Variants in TMEM41B observed in about 807,000 individuals in gnomAD.
TMEM41B encodes the protein transmembrane protein 41B.
TMEM41B carries 18 observed loss-of-function variants against 31.9 expected under a neutral mutation model. That is an observed-to-expected ratio of 0.56 (90% CI 0.39 to 0.84). TMEM41B has a LOEUF of 0.84. Ranked by LOEUF, TMEM41B falls within the 40% of genes least tolerant of loss-of-function variation. The pLI, the probability that TMEM41B is intolerant of heterozygous loss-of-function variation, is 0.00. For missense variants in TMEM41B, 322 were observed against 348.0 expected, an observed-to-expected ratio of 0.93 and a Z score of 0.59; for synonymous variants, 144 against 124.3, an observed-to-expected ratio of 1.16 and a Z score of -1.05.
chr11:9,311,296 T>C, intron 1 of TMEM41B: 1 of 1,521,504 alleles, frequency 6.6e-7, no homozygotes, highest in Non-Finnish European at 9.0e-7. Context: ...GAATCACTGC[T>C]GGAAGAGGAG....
At chr11:9,304,821 A>G (rs758344531) in intron 1 of TMEM41B, among the ~76,000 whole-genome samples, 3 of 151,996 alleles carry the variant, frequency 2.0e-5, no homozygotes, top group Non-Finnish European at 4.4e-5. Context: ...CCATGCCCAG[A>G]TAATTTTTGT....
chr11:9,290,236 G>A (rs1055265814), intron 3 of TMEM41B, among the ~76,000 whole-genome samples: 7 of 152,086 alleles, frequency 4.6e-5, no homozygotes, highest in African/African-American at 1.7e-4. Context: ...AACTAGCCGG[G>A]CGTGGTGGTG....
At chr11:9,289,229 T>A (rs1390172969) in intron 3 of TMEM41B, among the ~76,000 whole-genome samples, 1 of 152,082 alleles carries the variant, frequency 6.6e-6, no homozygotes, top group African/African-American at 2.4e-5. Flanking sequence ...ACTCCTGGGC[T>A]CAAACGATCC....
chr11:9,309,692 G>A (rs1324364459), intron 1 of TMEM41B, among the ~76,000 whole-genome samples: 1 of 151,658 alleles, frequency 6.6e-6, no homozygotes, highest in Non-Finnish European at 1.5e-5. Context: ...GGAGGCTGAG[G>A]CAGGCAGATC....
At chr11:9,300,874 T>C (rs1853238009) in intron 1 of TMEM41B, among the ~76,000 whole-genome samples, 1 of 148,666 alleles carries the variant, frequency 6.7e-6, no homozygotes, top group East Asian at 2.0e-4. Flanking sequence ...CAAGATTCCG[T>C]CTCAAAAAAA....
chr11:9,286,063 C>T (rs1380961413), intron 6 of TMEM41B, among the ~76,000 whole-genome samples: 2 of 152,032 alleles, frequency 1.3e-5, no homozygotes, highest in African/African-American at 2.4e-5. Context: ...TGCAGTGAGC[C>T]GAGATCATGC....
intron 1 of TMEM41B, among the ~76,000 whole-genome samples, chr11:9,302,049 C>T (rs967886413): frequency 1.4e-5 from 2 of 140,534 alleles, no homozygotes; most frequent in Admixed American, 7.2e-5. Flanking sequence ...CTCAGTCGCC[C>T]AGGCTGGAGT....
In TMEM41B at chr11:9,283,550, T is replaced by G; in HGVS notation, c.750A>C (p.Thr250=). 1 of 1,612,118 alleles carries G rather than the reference T, an allele frequency of 6.2e-7. No individual in the cohort carries two copies. Among genetic ancestry groups the G allele is most frequent in the Middle Eastern group, 1.7e-4 (1 of 6,054 alleles). Reference sequence around the variant, plus strand: ...CTCCTGCTGTTGTAAGTTGATACAGTGTTGTTCCTGCCTTAATGGCTACAA... The same window carrying G: ...CTCCTGCTGTTGTAAGTTGATACAGGGTTGTTCCTGCCTTAATGGCTACAA... ...PSFVAIKAGT[T]LYQLTTAGEA... is the part of the protein sequence containing the mutation. Residue 250 remains threonine (T), a synonymous_variant, in exon 7 of 7, where the codon ACA becomes ACC. Coordinates refer to ENST00000528080, the MANE Select transcript of TMEM41B (RefSeq NM_015012.4).
Position 9,314,360 on chromosome 11 carries a change from G to A in TMEM41B, c.82C>T (p.Arg28Trp). ...TPVGDGAAGT[R>W]GLAAPGSRDH... ...CTGCTGCCAGGCGCCGCGAGACCCC[G>A]CGTCCCCGCTGCCCCGTCCCCCACG... Residue 28 changes from arginine to tryptophan, a missense_variant, in exon 1 of 7, where the codon CGG (arginine) becomes TGG (tryptophan). Transcript: ENST00000528080. 1 of 1,589,766 alleles carries A rather than the reference G, an allele frequency of 6.3e-7. No individual in the cohort carries two copies. Among genetic ancestry groups the A allele is most frequent in the South Asian group, 1.1e-5 (1 of 87,582 alleles).
rs1009171194 is a variant in TMEM41B at position 9,283,242 on chromosome 11, T to C, written c.*182A>G. 6 of 538,868 alleles carry C rather than the reference T, an allele frequency of 1.1e-5. No individual in the cohort carries two copies. Among genetic ancestry groups the C allele is most frequent in the South Asian group, 5.3e-5 (2 of 37,908 alleles). The allele number at this position is 538,868 out of a possible 1,614,324, so 33.4% of individuals were successfully genotyped here. A position where few individuals can be genotyped will look rare whatever the true frequency, so the allele number is the denominator to read the frequency against. On this transcript the variant is annotated 3_prime_UTR_variant, in exon 7 of 7. Transcript: ENST00000528080. The stretch of plus-strand genomic sequence containing the variant: ...GATAGCACTTTTCACAGTATACCAA[T>C]TTCCATTTTTACTTTCTTCTCCCCT...
intron 3 of TMEM41B, 109 bp downstream of exon 3, chr11:9,295,150 C>G: frequency 1.7e-6 from 2 of 1,168,856 alleles, no homozygotes; most frequent in Non-Finnish European, 2.2e-6. Flanking sequence ...TATTGTCACA[C>G]TGCAATAACA....
intron 1 of TMEM41B, among the ~76,000 whole-genome samples, chr11:9,307,348 A>G (rs1223267567): frequency 6.6e-6 from 1 of 152,248 alleles, no homozygotes; most frequent in Non-Finnish European, 1.5e-5. Flanking sequence ...TGTCAGAAAT[A>G]AACTTTATTT....
intron 1 of TMEM41B, among the ~76,000 whole-genome samples, chr11:9,305,804 T>G (rs1853375865): frequency 1.3e-5 from 2 of 152,072 alleles, no homozygotes; most frequent in African/African-American, 4.8e-5. Context: ...GAGCATCTTT[T>G]AAAACCTTCA....
Position 9,286,589 on chromosome 11 carries a change from T to C in TMEM41B, c.572A>G (p.Glu191Gly). The stretch of plus-strand genomic sequence containing the variant: ...GTTAATGAGATGTTCTCTATGACGT[T>C]CAACCTGTCATAAGAAAGAAAAGAA... ...EKAVKWSQQV[E>G]RHREHLINYI... The change falls in exon 6 of 7, where the codon GAA becomes GGA. Residue 191 changes from glutamate (E) to glycine (G), a missense_variant. Physicochemically the swap from Glu to Gly is moderately conservative, Grantham distance 98. Around this residue, in one of 3 missense-constraint regions of TMEM41B, gnomAD observed 47 missense variants for 84.8 expected, o/e 0.55. Coordinates refer to ENST00000528080, the MANE Select transcript of TMEM41B (RefSeq NM_015012.4). 6.3e-7 allele frequency: 1 copy of C among 1,597,806 alleles called. No individual in the cohort carries two copies. Among genetic ancestry groups the C allele is most frequent in the Non-Finnish European group, 8.5e-7 (1 of 1,174,508 alleles).
At chr11:9,297,606 C>T (rs1330993057) in intron 2 of TMEM41B, among the ~76,000 whole-genome samples, 1 of 152,094 alleles carries the variant, frequency 6.6e-6, no homozygotes, top group African/African-American at 2.4e-5. Context: ...GCAGGAGAAT[C>T]GCTTGAACTG....
At chr11:9,312,429 T>C (rs181027994) in intron 1 of TMEM41B, among the ~76,000 whole-genome samples, 98 of 152,286 alleles carry the variant, frequency 6.4e-4, no homozygotes, top group Admixed American at 5.8e-3. Context: ...TGAGCCCAGG[T>C]AGCTGAGGCT....
intron 1 of TMEM41B, among the ~76,000 whole-genome samples, chr11:9,304,539 C>A (rs1853336574): frequency 6.6e-6 from 1 of 151,970 alleles, no homozygotes; most frequent in African/African-American, 2.4e-5. Flanking sequence ...GTGGTGAAAT[C>A]ATAGCTCACT....
At chr11:9,290,267 C>T (rs2133615884) in intron 3 of TMEM41B, among the ~76,000 whole-genome samples, 1 of 152,192 alleles carries the variant, frequency 6.6e-6, no homozygotes, top group East Asian at 1.9e-4. Context: ...GTCCCAGCTA[C>T]TCGGGAAGCC....
intron 3 of TMEM41B, among the ~76,000 whole-genome samples, chr11:9,294,172 A>C (rs1853022919): frequency 1.9e-5 from 2 of 103,306 alleles, no homozygotes; most frequent in African/African-American, 3.8e-5. Flanking sequence ...CAGGGGGAGA[A>C]CCTGTCTCAA....
Sources: gnomAD v4.1 joint callset for allele counts (sites outside exome capture counted in the v4.1 genomes callset) on GRCh38, gnomAD v4.1.1 for gene constraint, gnomAD v4.1.1 regional missense constraint, MANE v1.5 for transcripts, NCBI Gene and HGNC (gene_info 2026-07-23, HGNC 2026-07-21) for gene names.